The following NAA11 variants were observed in gnomAD, a reference collection of about 807,000 sequenced individuals.
NAA11 encodes the protein N-alpha-acetyltransferase 11.
Under a neutral mutation model 16.1 loss-of-function variants are expected in NAA11, and 15 were observed. The observed-to-expected ratio is 0.93, with a 90% CI of 0.62 to 1.44. The LOEUF (loss-of-function observed/expected upper bound fraction) is 1.44. Among genes scored for constraint, NAA11 ranks in the 40% most tolerant of loss-of-function variants. The pLI is 0.00. For synonymous variants in NAA11, 122 were observed against 112.4 expected (o/e 1.09, Z -0.54); for missense variants, 298 against 291.3 (o/e 1.02, Z -0.17).
downstream of NAA11, among the ~76,000 whole-genome samples, chr4:79,221,581 T>G (rs989255654): frequency 1.5e-4 from 19 of 126,496 alleles, no homozygotes; most frequent in Non-Finnish European, 2.2e-4. Context: ...GTTTTTAGCA[T>G]GAAGGGTTGT....
chr4:79,319,656 G>C (rs1169392614), intron 1 of NAA11, among the ~76,000 whole-genome samples: 5 of 152,142 alleles, frequency 3.3e-5, no homozygotes, highest in African/African-American at 4.8e-5. Flanking sequence ...GACATTGTTA[G>C]AGATTATAAA....
At chr4:79,272,097 G>T (rs1354739846) in intron 2 of NAA11, among the ~76,000 whole-genome samples, 2 of 151,698 alleles carry the variant, frequency 1.3e-5, no homozygotes. Context: ...TTATATGTGT[G>T]TGTATATATA....
chr4:79,242,398 G>C (rs1439192345), intron 2 of NAA11, among the ~76,000 whole-genome samples: 2 of 152,200 alleles, frequency 1.3e-5, no homozygotes, highest in African/African-American at 4.8e-5. Context: ...TACTATGGAG[G>C]GGCATTTCTT....
At chr4:79,281,609 A>G (rs1414097075) in intron 2 of NAA11, among the ~76,000 whole-genome samples, 1 of 152,130 alleles carries the variant, frequency 6.6e-6, no homozygotes, top group Non-Finnish European at 1.5e-5. Flanking sequence ...GGTAACAATA[A>G]GTGCTATGAT....
chr4:79,247,992 C>T (rs2109965893), intron 2 of NAA11, among the ~76,000 whole-genome samples: 1 of 152,302 alleles, frequency 6.6e-6, no homozygotes, highest in South Asian at 2.1e-4. Context: ...CAAGGCTTGC[C>T]TTGCTCCCCT....
At chr4:79,283,866 TATAAATAA>T (rs909120483) in intron 2 of NAA11, among the ~76,000 whole-genome samples, 1 of 152,118 alleles carries the variant, frequency 6.6e-6, no homozygotes, top group Non-Finnish European at 1.5e-5. Context: ...CCACAGAACA[TATAAATAA>T]ATAAATATAT....
the NAA11 span, among the ~76,000 whole-genome samples, chr4:79,202,589 A>ATATATATAGTTTTATATACAGT: frequency 7.9e-6 from 1 of 126,104 alleles, no homozygotes; most frequent in African/African-American, 2.7e-5. Context: ...ATGTAGTTTT[A>ATATATATAGTTTTATATACAGT]TATATATAGT....
At chr4:79,180,244 T>C in the NAA11 span, among the ~76,000 whole-genome samples, 1 of 152,134 alleles carries the variant, frequency 6.6e-6, no homozygotes, top group Non-Finnish European at 1.5e-5. Context: ...TAATATTCTA[T>C]CCTTTAAAAA....
the NAA11 span, among the ~76,000 whole-genome samples, chr4:79,192,980 G>A: frequency 1.3e-5 from 2 of 152,112 alleles, no homozygotes; most frequent in East Asian, 3.8e-4. Flanking sequence ...GATGGCCAGT[G>A]ATGATGAGCA....
chr4:79,184,293 G>C, the NAA11 span, among the ~76,000 whole-genome samples: 1 of 152,150 alleles, frequency 6.6e-6, no homozygotes, highest in Non-Finnish European at 1.5e-5. Flanking sequence ...ATGTCAAGGA[G>C]GTTTTAAAAA....
intron 2 of NAA11, among the ~76,000 whole-genome samples, chr4:79,268,825 A>G (rs1332468847): frequency 2.0e-5 from 3 of 147,668 alleles, no homozygotes; most frequent in Non-Finnish European, 4.5e-5. Flanking sequence ...AGCATTAGGT[A>G]TATCTCCCAA....
intron 2 of NAA11, among the ~76,000 whole-genome samples, chr4:79,270,655 C>A (rs1352881017): frequency 9.9e-6 from 1 of 101,352 alleles, no homozygotes; most frequent in South Asian, 3.4e-4. Flanking sequence ...ACGAATCCAG[C>A]AGCACATCAA....
chr4:79,315,307 C>G (rs1723894818), downstream of NAA11, among the ~76,000 whole-genome samples: 1 of 152,272 alleles, frequency 6.6e-6, no homozygotes, highest in African/African-American at 2.4e-5. Context: ...TCTAAATTTT[C>G]CTGGCTGTGG....
intron 1 of NAA11, among the ~76,000 whole-genome samples, chr4:79,323,210 GAT>G: frequency 6.6e-6 from 1 of 152,204 alleles, no homozygotes; most frequent in South Asian, 2.1e-4. Flanking sequence ...AAGGTGACTA[GAT>G]TAAGATGTTA....
chr4:79,261,962 C>A (rs1165282583), intron 2 of NAA11, among the ~76,000 whole-genome samples: 7 of 152,054 alleles, frequency 4.6e-5, no homozygotes. Flanking sequence ...CCCGATGATA[C>A]CCACTTGCTC....
intron 1 of NAA11, among the ~76,000 whole-genome samples, chr4:79,322,486 GGTGTGT>G (rs757206111): frequency 2.3e-5 from 2 of 87,752 alleles, no homozygotes; most frequent in Non-Finnish European, 4.6e-5. Context: ...CAGTTTTATA[GGTGTGT>G]GTGTGTGTGT....
the NAA11 span, among the ~76,000 whole-genome samples, chr4:79,194,884 T>G: frequency 6.6e-6 from 1 of 152,104 alleles, no homozygotes; most frequent in Non-Finnish European, 1.5e-5. Context: ...TTAAGTAACT[T>G]GCTCAGTGTC....
downstream of NAA11, among the ~76,000 whole-genome samples, chr4:79,311,801 C>G (rs920652380): frequency 6.6e-6 from 1 of 152,038 alleles, no homozygotes; most frequent in Non-Finnish European, 1.5e-5. Flanking sequence ...CTACCCCATC[C>G]CCAACAATTA....
At chr4:79,222,397 G>T (rs1445259695), downstream of NAA11, among the ~76,000 whole-genome samples, 1 of 151,658 alleles carries the variant, frequency 6.6e-6, no homozygotes, top group Non-Finnish European at 1.5e-5. Context: ...ATGGGGAAAG[G>T]ATTCTCTATT....
Sources: gnomAD v4.1 joint callset for allele counts (sites outside exome capture counted in the v4.1 genomes callset) on GRCh38, gnomAD v4.1.1 for gene constraint, MANE v1.5 for transcripts, NCBI Gene and HGNC (gene_info 2026-07-23, HGNC 2026-07-21) for gene names.